The following CSMD1 variants were observed in gnomAD, a reference collection of about 807,000 sequenced individuals.
The protein encoded by CSMD1 is CUB and sushi domain-containing protein 1.
In CSMD1, 213 loss-of-function variants were observed where a neutral mutation model predicts 417.5. The observed-to-expected ratio is 0.51, with a 90% CI of 0.46 to 0.57. The LOEUF (loss-of-function observed/expected upper bound fraction) is 0.57. Ranked by LOEUF, CSMD1 falls within the 20% of genes least tolerant of loss-of-function variation. CSMD1 has a pLI of 0.00. For missense variants in CSMD1, 6,923 were observed against 4,529.7 expected (o/e 1.53, Z -15.17); for synonymous variants, 2,862 against 1,736.8 (o/e 1.65, Z -16.11).
rs191320812 is a variant in CSMD1, at chr8:4,393,251, C to T, written c.415+26702G>A. ...TCAGCCTCCCAAAGTGCTGGGATTA[C>T]AGGCGTGAGCCACCCCACCTGGCCT... On this transcript the variant is annotated intron_variant, in intron 3 of 69. Coordinates refer to ENST00000635120, the MANE Select transcript of CSMD1 (RefSeq NM_033225.6). Among the ~76,000 whole-genome samples, 463 of 152,254 alleles carry T rather than the reference C, an allele frequency of 3.0e-3. 4 individuals are homozygous for T. Among genetic ancestry groups the T allele is most frequent in the African/African-American group, 0.011 (447 of 41,564 alleles).
chr8:4,156,538 C>G (rs932846735), intron 3 of CSMD1, among the ~76,000 whole-genome samples: 16 of 151,984 alleles, frequency 1.1e-4, no homozygotes, highest in African/African-American at 3.9e-4. Flanking sequence ...ATTTGACTTA[C>G]TAAATTCAAA....
chr8:3,169,527 G>C (rs957860053), intron 37 of CSMD1, among the ~76,000 whole-genome samples: 12 of 151,968 alleles, frequency 7.9e-5, no homozygotes, highest in Non-Finnish European at 1.3e-4. Flanking sequence ...GTAGCAAACA[G>C]ACAGAATTAG....
intron 3 of CSMD1, among the ~76,000 whole-genome samples, chr8:4,378,258 G>A (rs531012402): frequency 6.6e-6 from 1 of 152,114 alleles, no homozygotes; most frequent in Admixed American, 6.5e-5. Context: ...ATTAACATTT[G>A]TCAATACATT....
chr8:4,739,987 G>A lies in CSMD1; in HGVS notation c.86-102429C>T, dbSNP rs372803046. 1.1e-4 allele frequency among the ~76,000 whole-genome samples: 16 copies of A among 152,230 alleles called. No homozygotes were observed. The East Asian group carries it at 2.1e-3, about 20-fold the overall frequency. ...GAAATAGCTGACTGGCCAGCCGCCT[G>A]CCCAGGCATCTTCCTTTCCCACCCT... On this transcript the variant is annotated intron_variant, in intron 1 of 69. Coordinates refer to ENST00000635120, the MANE Select transcript of CSMD1 (RefSeq NM_033225.6).
At chr8:4,540,078 C>T (rs954692753) in intron 2 of CSMD1, among the ~76,000 whole-genome samples, 1 of 152,150 alleles carries the variant, frequency 6.6e-6, no homozygotes, top group African/African-American at 2.4e-5. Flanking sequence ...ATATTATTTT[C>T]AATACGATTA....
intron 3 of CSMD1, among the ~76,000 whole-genome samples, chr8:4,072,239 G>C (rs1474465562): frequency 6.6e-6 from 1 of 152,162 alleles, no homozygotes; most frequent in Non-Finnish European, 1.5e-5. Flanking sequence ...AAGTGAAGAA[G>C]GGTTGAATCC....
intron 3 of CSMD1, among the ~76,000 whole-genome samples, chr8:4,382,947 G>C (rs1049453887): frequency 6.6e-6 from 1 of 152,160 alleles, no homozygotes; most frequent in Non-Finnish European, 1.5e-5. Context: ...TATCACCTAA[G>C]CTGCATATAC....
intron 2 of CSMD1, among the ~76,000 whole-genome samples, chr8:4,519,782 A>AAAAAAAATT (rs1803333257): frequency 7.6e-6 from 1 of 131,750 alleles, no homozygotes; most frequent in Non-Finnish European, 1.6e-5. Flanking sequence ...AAAAAAAAAA[A>AAAAAAAATT]TTCTTGCCTT....
chr8:3,264,276 G>C (rs1006232592), intron 26 of CSMD1, among the ~76,000 whole-genome samples: 5 of 152,156 alleles, frequency 3.3e-5, no homozygotes, highest in Non-Finnish European at 7.3e-5. Flanking sequence ...ACCTGGTTTG[G>C]AATTTCATTA....
chr8:3,165,407 T>C (rs1351984897), intron 37 of CSMD1, among the ~76,000 whole-genome samples: 1 of 151,864 alleles, frequency 6.6e-6, no homozygotes, highest in Non-Finnish European at 1.5e-5. Context: ...AACAGTGGTT[T>C]TTAATTTTTA....
chr8:3,968,093 A>C (rs1328943878), intron 5 of CSMD1, among the ~76,000 whole-genome samples: 1 of 151,248 alleles, frequency 6.6e-6, no homozygotes, highest in Non-Finnish European at 1.5e-5. Flanking sequence ...AGGCTGAGGC[A>C]GGAGAATGGC....
intron 6 of CSMD1, among the ~76,000 whole-genome samples, chr8:3,736,296 C>T (rs999127969): frequency 6.6e-6 from 1 of 151,974 alleles, no homozygotes; most frequent in Non-Finnish European, 1.5e-5. Flanking sequence ...GGCTAGAGTG[C>T]AGTGGGGCAA....
At chr8:4,348,978 A>G (rs1341549049) in intron 3 of CSMD1, among the ~76,000 whole-genome samples, 2 of 152,200 alleles carry the variant, frequency 1.3e-5, no homozygotes, top group Admixed American at 6.5e-5. Flanking sequence ...ACCATATGCA[A>G]AAACAGGACA....
chr8:4,770,450 AT>A (rs201691414), intron 1 of CSMD1, among the ~76,000 whole-genome samples: 27 of 149,042 alleles, frequency 1.8e-4, no homozygotes, highest in African/African-American at 2.2e-4. Context: ...TCTTCACAGA[AT>A]TTTTTTTTTA....
chr8:4,503,232 G>C (rs372049683), intron 2 of CSMD1, among the ~76,000 whole-genome samples: 2 of 152,108 alleles, frequency 1.3e-5, no homozygotes, highest in African/African-American at 2.4e-5. Flanking sequence ...CAGCGTCATA[G>C]TGTCTATGAT....
chr8:3,725,759 T>C (rs190375572), intron 6 of CSMD1, among the ~76,000 whole-genome samples: 66 of 151,912 alleles, frequency 4.3e-4, no homozygotes, highest in South Asian at 1.9e-3. Flanking sequence ...GAGGGCAGAG[T>C]GGAAGGACTT....
chr8:3,657,671 A>G lies in CSMD1; in HGVS notation c.1010-40874T>C, dbSNP rs186598854. On this transcript the variant is annotated intron_variant, in intron 7 of 69. Transcript: ENST00000635120. ...GAGAACACATGGACACAAGGAAGGG[A>G]ACATCACACACCAGGGCCTGTCAGT... Among the ~76,000 whole-genome samples, 906 of 152,250 alleles carry G rather than the reference A, an allele frequency of 6.0e-3. 3 individuals carry two copies. The highest frequency in any genetic ancestry group is 0.02 in the African/African-American group (829 of 41,538).
chr8:3,213,603 G>A (rs1220680068), intron 30 of CSMD1, among the ~76,000 whole-genome samples: 1 of 151,804 alleles, frequency 6.6e-6, no homozygotes, highest in Non-Finnish European at 1.5e-5. Flanking sequence ...GGGGGGAAAT[G>A]ACATATCCAT....
intron 4 of CSMD1, among the ~76,000 whole-genome samples, chr8:4,020,056 G>A (rs79225703): frequency 6.6e-6 from 1 of 152,144 alleles, no homozygotes; most frequent in South Asian, 2.1e-4. Flanking sequence ...AGAGTGGAAG[G>A]GAGAGGAGAT....
Sources: allele counts gnomAD v4.1 joint callset (sites outside exome capture counted in the v4.1 genomes callset), GRCh38; gene constraint gnomAD v4.1.1; transcripts MANE v1.5; gene names NCBI Gene and HGNC (gene_info 2026-07-23, HGNC 2026-07-21).